SUPT6H: variants seen among roughly 807,000 people sequenced by gnomAD.
SUPT6H encodes the protein transcription elongation factor SPT6.
SUPT6H carries 11 observed loss-of-function variants against 222.3 expected under a neutral mutation model. The observed-to-expected ratio is 0.05, with a 90% CI of 0.03 to 0.08. The LOEUF is 0.08. Among genes scored for constraint, SUPT6H ranks in the 10% least tolerant of loss-of-function variants. The pLI, the probability that SUPT6H is intolerant of heterozygous loss-of-function variation, is 1.00. For missense variants in SUPT6H, 1,422 were observed against 2,216.0 expected, an observed-to-expected ratio of 0.64 and a Z score of 7.19; for synonymous variants, 762 against 801.2, an observed-to-expected ratio of 0.95 and a Z score of 0.83.
At chr17:28,685,144 T>TA (rs1489773858) in intron 19 of SUPT6H, among the ~76,000 whole-genome samples, 183 bp downstream of exon 19, 1 of 152,176 alleles carries the variant, frequency 6.6e-6, no homozygotes, top group Admixed American at 6.5e-5. Flanking sequence ...AGTTATCTAG[T>TA]ACGGGATTTG....
At chr17:28,692,734 G>A (rs1360568759) in intron 27 of SUPT6H, among the ~76,000 whole-genome samples, 1 of 148,018 alleles carries the variant, frequency 6.8e-6, no homozygotes, top group African/African-American at 2.5e-5. Flanking sequence ...GGGTGCAGTG[G>A]CTCACGCCTA....
chr17:28,667,405 G>GTATATACATA (rs1555546902), intron 1 of SUPT6H, among the ~76,000 whole-genome samples: 2 of 49,302 alleles, frequency 4.1e-5, no homozygotes, highest in African/African-American at 1.6e-4. Context: ...GTGTGTGTGT[G>GTATATACATA]TATATATATA....
Position 28,675,404 on chromosome 17 carries a change from T to C in SUPT6H, c.542T>C (p.Ile181Thr). 1 of 1,614,176 alleles carries C rather than the reference T, an allele frequency of 6.2e-7. No homozygotes were observed. The highest frequency in any genetic ancestry group is 8.5e-7 in the Non-Finnish European group (1 of 1,180,012). ...EEEEDDEESD[I>T]DDFIVDDDGQ... ...AACCCATCCTTTTCCTACCCAGATA[T>C]TGACGACTTCATTGTGGATGATGAT... is the stretch of plus-strand genomic sequence containing the variant. The change falls in exon 6 of 37, where the codon ATT becomes ACT. Residue 181 changes from isoleucine (I) to threonine (T), a missense_variant. By Grantham distance (89) the Ile-to-Thr change is moderately conservative. Transcript: ENST00000314616.
chr17:28,690,017 G>A (rs549202127), intron 25 of SUPT6H, 65 bp from the exon 26 acceptor site: 4 of 1,552,720 alleles, frequency 2.6e-6, no homozygotes, highest in African/African-American at 1.4e-5. Flanking sequence ...CCCCTTCCAC[G>A]GGACTCCTTG....
At chr17:28,695,200 TC>T (rs1433330233) in intron 28 of SUPT6H, 151 bp from the exon 29 acceptor site, 1 of 719,844 alleles carries the variant, frequency 1.4e-6, no homozygotes, top group Non-Finnish European at 2.3e-6. Flanking sequence ...CACCCCAAAC[TC>T]CCAGTCTGCC....
At chr17:28,672,063 A>G (rs537400604) in intron 1 of SUPT6H, among the ~76,000 whole-genome samples, 134 of 152,348 alleles carry the variant, frequency 8.8e-4, no homozygotes, top group African/African-American at 3.2e-3. Context: ...TTGGACCCAA[A>G]TGCTCCCAAC....
chr17:28,681,898 A>C lies in SUPT6H; in HGVS notation c.1515A>C (p.Ala505=), dbSNP rs1308032550. The stretch of plus-strand genomic sequence containing the variant: ...TCTTCCCAGGTGAAGGTGACGAGGC[A>C]GAAGATGAGGAGCAGAGGGGGCCTG... ...EGDEEGEGDE[A]EDEEQRGPEL... is the part of the protein sequence containing the mutation. Residue 505 remains alanine, a synonymous_variant, in exon 13 of 37, where the codon GCA becomes GCC. Coordinates refer to ENST00000314616, the MANE Select transcript of SUPT6H (RefSeq NM_003170.5). The C allele has an allele frequency of 1.2e-6, 2 of 1,609,828 alleles. No individual in the cohort carries two copies. Among genetic ancestry groups the C allele is most frequent in the Non-Finnish European group, 1.7e-6 (2 of 1,178,866 alleles).
chr17:28,679,302 G>T (rs1310282351), intron 11 of SUPT6H, among the ~76,000 whole-genome samples: 1 of 152,134 alleles, frequency 6.6e-6, no homozygotes, highest in Non-Finnish European at 1.5e-5. Flanking sequence ...GAACCTGGGA[G>T]GCGGAGGTTG....
intron 17 of SUPT6H, among the ~76,000 whole-genome samples, chr17:28,684,053 A>C (rs948195070): frequency 9.9e-5 from 15 of 152,066 alleles, no homozygotes; most frequent in Non-Finnish European, 1.9e-4. Context: ...ATAAAATAAC[A>C]TGGTTTTACC....
chr17:28,663,008 G>A (rs1006875951), intron 1 of SUPT6H, among the ~76,000 whole-genome samples: 2 of 152,218 alleles, frequency 1.3e-5, no homozygotes, highest in East Asian at 3.9e-4. Context: ...GAACCAGCTG[G>A]AGAAGTTAAT....
chr17:28,682,026 G>A (rs2031137492), intron 13 of SUPT6H, 46 bp downstream of exon 13: 3 of 1,510,642 alleles, frequency 2.0e-6, no homozygotes, highest in South Asian at 2.4e-5. Context: ...GCCTGAGCAA[G>A]GGGAGTTACC....
At chr17:28,671,231 CG>C (rs1555547232) in intron 1 of SUPT6H, 1 of 152,114 alleles carries the variant, frequency 6.6e-6, no homozygotes, top group Non-Finnish European at 1.5e-5. Flanking sequence ...AATATGAAAA[CG>C]TAAGTAGTTT....
At chr17:28,679,535 C>A (rs964703645) in intron 11 of SUPT6H, among the ~76,000 whole-genome samples, 1 of 152,024 alleles carries the variant, frequency 6.6e-6, no homozygotes, top group Non-Finnish European at 1.5e-5. Context: ...AGTGAAAGAG[C>A]AAGATCCGGT....
chr17:28,667,435 A>ATATATATATATATATATATG (rs1491494572), intron 1 of SUPT6H, among the ~76,000 whole-genome samples: 1 of 128,770 alleles, frequency 7.8e-6, no homozygotes, highest in African/African-American at 2.9e-5. Context: ...ATATATATAT[A>ATATATATATATATATATATG]TGTATGTGTG....
At chr17:28,674,061 C>T (rs1292868317) in intron 2 of SUPT6H, among the ~76,000 whole-genome samples, 1 of 152,168 alleles carries the variant, frequency 6.6e-6, no homozygotes, top group Non-Finnish European at 1.5e-5. Context: ...GAAGATCATC[C>T]TGCCCAAAGA....
chr17:28,689,844 T>C (rs975335184), intron 25 of SUPT6H, among the ~76,000 whole-genome samples: 14 of 152,240 alleles, frequency 9.2e-5, no homozygotes, highest in African/African-American at 3.1e-4. Context: ...TTTCCTCCTT[T>C]CTAACAGCAC....
chr17:28,700,829 G>A lies in SUPT6H; in HGVS notation c.4807-112G>A, dbSNP rs1012999172. On this transcript the variant is annotated intron_variant, in intron 35 of 36. Transcript: ENST00000314616. ...TGCTGGTCAGAAGCACATACTCAGT[G>A]GAAGATCATCTGGAAAGCTTTGCTG... is the stretch of plus-strand genomic sequence containing the variant. 13 of 1,315,776 alleles carry A rather than the reference G, an allele frequency of 9.9e-6. No individual in the cohort carries two copies. In the Admixed American group the frequency reaches 1.9e-4, roughly 19 times the overall value. The allele number at this position is 1,315,776 out of a possible 1,614,324, so 81.5% of individuals were successfully genotyped here.
chr17:28,664,412 A>G (rs538572092), intron 1 of SUPT6H, among the ~76,000 whole-genome samples: 22 of 152,368 alleles, frequency 1.4e-4, no homozygotes, highest in Admixed American at 6.5e-4. Flanking sequence ...AGGCTGAGGC[A>G]GGAGAATCAC....
chr17:28,698,061 C>T (rs1409934551), intron 32 of SUPT6H, 31 bp downstream of exon 32: 2 of 1,596,876 alleles, frequency 1.3e-6, no homozygotes, highest in Non-Finnish European at 1.7e-6. Context: ...GGTGCTGCCA[C>T]TGGGGTTCAT....
Sources: gnomAD v4.1 joint callset for allele counts (sites outside exome capture counted in the v4.1 genomes callset) on GRCh38, gnomAD v4.1.1 for gene constraint, MANE v1.5 for transcripts, NCBI Gene and HGNC (gene_info 2026-07-23, HGNC 2026-07-21) for gene names.